Variants in AP4S1 observed in about 807,000 individuals in gnomAD.
The protein encoded by AP4S1 is adaptor related protein complex 4 subunit sigma 1.
In AP4S1, 23 loss-of-function variants were observed where a neutral mutation model predicts 19.8. That is an observed-to-expected ratio of 1.16 (90% CI 0.84 to 1.65). The LOEUF is 1.65. Ranked by LOEUF, AP4S1 falls within the 40% of genes most tolerant of loss-of-function variation. The pLI is 0.00. For synonymous variants in AP4S1, 46 were observed against 54.1 expected, an observed-to-expected ratio of 0.85 and a Z score of 0.66; for missense variants, 166 against 172.8, an observed-to-expected ratio of 0.96 and a Z score of 0.22.
At chr14:31,076,559 A>C (rs183499547) in intron 4 of AP4S1, among the ~76,000 whole-genome samples, 2 of 152,216 alleles carry the variant, frequency 1.3e-5, no homozygotes, top group Non-Finnish European at 2.9e-5. Flanking sequence ...TATTCTGAAT[A>C]CAAGTCCCTT....
intron 5 of AP4S1, chr14:31,085,566 G>A: frequency 5.2e-6 from 5 of 966,136 alleles, no homozygotes; most frequent in Non-Finnish European, 6.2e-6. Flanking sequence ...TTGAGGCCAG[G>A]AGTTTGAGAC....
At chr14:31,079,562 C>T (rs1485149997) in intron 4 of AP4S1, among the ~76,000 whole-genome samples, 1 of 152,116 alleles carries the variant, frequency 6.6e-6, no homozygotes, top group Non-Finnish European at 1.5e-5. Flanking sequence ...TGATGACTCA[C>T]ACCTGTAATC....
chr14:31,086,669 G>C (rs1887926415), intron 5 of AP4S1, among the ~76,000 whole-genome samples: 1 of 152,010 alleles, frequency 6.6e-6, no homozygotes, highest in Admixed American at 6.6e-5. Context: ...GCCCCCTTTG[G>C]CCTCCCAAAG....
chr14:31,025,752 GCCGTTGAGAGGAC>G lies in AP4S1; in HGVS notation c.-105_-93del. 9.4e-7 allele frequency: 1 copy of G among 1,058,572 alleles called. No homozygotes were observed. Among genetic ancestry groups the G allele is most frequent in the Non-Finnish European group, 1.3e-6 (1 of 757,556 alleles). 65.6% of individuals were successfully genotyped at this position (1,058,572 alleles called of 1,614,324 possible). On this transcript the variant is annotated 5_prime_UTR_variant, in exon 1 of 6. It removes the in-frame stop codon of an upstream open reading frame in the 5' UTR. Transcript: ENST00000542754. ...AAGAGGGAGGGGGACTCCAGGAAAA[GCCGTTGAGAGGAC>G]CATCACAACCTGAGCAGCACAGGTA...
At chr14:31,069,796 ACTCT>A (rs755310258) in intron 2 of AP4S1, 43 bp from the exon 3 acceptor site, 10 of 1,409,492 alleles carry the variant, frequency 7.1e-6, no homozygotes, top group Middle Eastern at 1.8e-4. Flanking sequence ...ATTTTAAAGA[ACTCT>A]CTCTCAGCCA....
chr14:31,051,671 T>A (rs1313626919), intron 1 of AP4S1, among the ~76,000 whole-genome samples: 1 of 152,192 alleles, frequency 6.6e-6, no homozygotes, highest in African/African-American at 2.4e-5. Context: ...ATTTATTTAT[T>A]TATTTATGAG....
At chr14:31,035,556 A>G (rs1487021632) in intron 1 of AP4S1, among the ~76,000 whole-genome samples, 1 of 151,336 alleles carries the variant, frequency 6.6e-6, no homozygotes, top group Non-Finnish European at 1.5e-5. Flanking sequence ...TCAAAAAACA[A>G]TTTTTTAAAA....
intron 2 of AP4S1, among the ~76,000 whole-genome samples, chr14:31,068,369 A>G (rs1054396611): frequency 1.3e-5 from 2 of 152,238 alleles, no homozygotes; most frequent in Non-Finnish European, 2.9e-5. Flanking sequence ...CAAATATTAA[A>G]CCACATCAGT....
chr14:31,082,662 C>T (rs974588332), intron 5 of AP4S1, among the ~76,000 whole-genome samples: 11 of 151,500 alleles, frequency 7.3e-5, no homozygotes, highest in Non-Finnish European at 1.5e-4. Context: ...TTTGGGAGGC[C>T]GAGGCGGGTG....
chr14:31,070,038 A>G, intron 3 of AP4S1, 109 bp downstream of exon 3: 1 of 902,814 alleles, frequency 1.1e-6, no homozygotes, highest in Non-Finnish European at 1.8e-6. Context: ...CCCTGTCACC[A>G]GTCTGGAGTG....
intron 3 of AP4S1, among the ~76,000 whole-genome samples, chr14:31,071,058 A>G (rs1566536208): frequency 6.6e-6 from 1 of 152,282 alleles, no homozygotes; most frequent in Non-Finnish European, 1.5e-5. Context: ...TCTCAAAAAA[A>G]AAAGGGCTGA....
chr14:31,029,963 C>T (rs1438705718), intron 1 of AP4S1, among the ~76,000 whole-genome samples: 1 of 150,850 alleles, frequency 6.6e-6, no homozygotes, highest in Admixed American at 6.6e-5. Context: ...CCATGCTTAT[C>T]TCTTTTTTTC....
chr14:31,082,853 G>A (rs900008621), intron 5 of AP4S1, among the ~76,000 whole-genome samples: 17 of 149,940 alleles, frequency 1.1e-4, no homozygotes, highest in South Asian at 2.1e-4. Flanking sequence ...CCGAGATTGC[G>A]CCACTGCACT....
At chr14:31,085,448 T>C (rs550791167) in intron 5 of AP4S1, 79 of 986,070 alleles carry the variant, frequency 8.0e-5, no homozygotes, top group Non-Finnish European at 9.4e-5. Context: ...CCCACAAATA[T>C]AGGCTAGAAT....
chr14:31,080,580 T>G lies in AP4S1; in HGVS notation c.302T>G (p.Leu101Ter). The G allele has an allele frequency of 6.2e-7, 1 of 1,613,166 alleles. No homozygotes were observed. The highest frequency in any genetic ancestry group is 8.5e-7 in the Non-Finnish European group (1 of 1,179,180). Residue 101 changes from leucine (L) to a stop codon, truncating the protein, a stop_gained, in exon 5 of 6, where the codon TTA becomes TGA. Transcript: ENST00000542754. LOFTEE classifies it high-confidence loss of function. Reference protein sequence around the residue: ...LDEYFSRVSELDIMFNLDKVH... With the variant: ...LDEYFSRVSE ...TCTTTTTCTGTCTTCCAGAGTGAAT[T>G]AGATGTATCCTTTTTCAATACTGTT...
chr14:31,060,686 A>G (rs1167258516), intron 1 of AP4S1, among the ~76,000 whole-genome samples: 1 of 152,210 alleles, frequency 6.6e-6, no homozygotes, highest in Admixed American at 6.5e-5. Flanking sequence ...CTCAGTGCAT[A>G]GTGGGACCCA....
chr14:31,034,917 G>A (rs186400358), intron 1 of AP4S1, among the ~76,000 whole-genome samples: 100 of 151,888 alleles, frequency 6.6e-4, no homozygotes, highest in Admixed American at 3.1e-3. Context: ...ATGAGCCACC[G>A]TGGCCAGCCC....
At chr14:31,049,439 A>ATATATATATG (rs1885635679) in intron 1 of AP4S1, among the ~76,000 whole-genome samples, 1 of 37,176 alleles carries the variant, frequency 2.7e-5, no homozygotes, top group Non-Finnish European at 4.4e-5. Context: ...ATATATATAT[A>ATATATATATG]TATATATATA....
chr14:31,043,202 CAG>C (rs978317030), intron 1 of AP4S1, among the ~76,000 whole-genome samples: 1 of 148,288 alleles, frequency 6.7e-6, no homozygotes, highest in Admixed American at 6.8e-5. Flanking sequence ...GCCTGGGTGA[CAG>C]AGCGAGACTC....
Sources: gnomAD v4.1 joint callset for allele counts (sites outside exome capture counted in the v4.1 genomes callset) on GRCh38, gnomAD v4.1.1 for gene constraint, MANE v1.5 for transcripts, NCBI Gene and HGNC (gene_info 2026-07-23, HGNC 2026-07-21) for gene names.